CDH4: variants seen among roughly 807,000 people sequenced by gnomAD.
CDH4 encodes the protein cadherin 4, also known as cadherin-4.
A neutral mutation model predicts 86.0 loss-of-function variants in CDH4; 33 were observed. The observed-to-expected ratio is 0.38, with a 90% confidence interval of 0.29 to 0.51. The LOEUF (loss-of-function observed/expected upper bound fraction) is 0.51. Among genes scored for constraint, CDH4 ranks in the 20% least tolerant of loss-of-function variants. The pLI is 0.86. For missense variants in CDH4, 1,114 were observed against 1,307.4 expected (o/e 0.85, Z 2.28); for synonymous variants, 555 against 549.4 (o/e 1.01, Z -0.14).
chr20:61,423,137 C>A (rs1293725775), intron 2 of CDH4, among the ~76,000 whole-genome samples: 1 of 152,072 alleles, frequency 6.6e-6, no homozygotes, highest in African/African-American at 2.4e-5. Flanking sequence ...GGGAGGGATG[C>A]TGGAAGCACA....
chr20:61,711,706 T>G (rs576801346), intron 2 of CDH4, among the ~76,000 whole-genome samples: 7 of 152,280 alleles, frequency 4.6e-5, no homozygotes, highest in African/African-American at 1.4e-4. Flanking sequence ...GATTTGGACA[T>G]CTGGGGAGGG....
At chr20:61,816,542 T>C (rs967883481) in intron 4 of CDH4, among the ~76,000 whole-genome samples, 3 of 152,230 alleles carry the variant, frequency 2.0e-5, no homozygotes, top group African/African-American at 7.2e-5. Context: ...CTCTGCTCCC[T>C]GAGACTTATT....
intron 2 of CDH4, among the ~76,000 whole-genome samples, chr20:61,534,336 C>T (rs535315632): frequency 1.2e-4 from 19 of 152,244 alleles, no homozygotes; most frequent in African/African-American, 4.1e-4. Context: ...AACGACCACA[C>T]GGGGCAGGAG....
At chr20:61,777,696 A>G (rs116664250) in intron 4 of CDH4, among the ~76,000 whole-genome samples, 17,966 of 82,452 alleles carry the variant, frequency 0.22, 1,403 homozygotes, top group East Asian at 0.44. Context: ...ACACACGTGC[A>G]TACAAAAACA....
chr20:61,937,115 G>A lies in CDH4; in HGVS notation c.*172G>A, dbSNP rs921092733. The stretch of plus-strand genomic sequence containing the variant: ...TAGCATGAGCACCCACCCCCACAGC[G>A]CCCTGCACCCGGCCGCTGCCCAGCA... On this transcript the variant is annotated 3_prime_UTR_variant, in exon 16 of 16. Transcript: ENST00000614565. 21 of 466,436 alleles carry A rather than the reference G, an allele frequency of 4.5e-5. No homozygotes were observed. Among genetic ancestry groups the A allele is most frequent in the African/African-American group, 1.2e-4 (6 of 49,192 alleles). The allele number at this position is 466,436 out of a possible 1,614,324, so 28.9% of individuals were successfully genotyped here.
chr20:61,569,347 G>A (rs1376321264), intron 2 of CDH4, among the ~76,000 whole-genome samples: 1 of 152,140 alleles, frequency 6.6e-6, no homozygotes, highest in Non-Finnish European at 1.5e-5. Context: ...TGTAAACTTA[G>A]AGGAGTTGCA....
chr20:61,886,331 G>A (rs1984537646), intron 7 of CDH4, among the ~76,000 whole-genome samples: 1 of 152,250 alleles, frequency 6.6e-6, no homozygotes, highest in Non-Finnish European at 1.5e-5. Context: ...GGGCAGGCTG[G>A]CCGCCTGCAT....
intron 9 of CDH4, among the ~76,000 whole-genome samples, chr20:61,919,922 GCGTGGTGT>G (rs2054949799): frequency 6.6e-6 from 1 of 152,218 alleles, no homozygotes; most frequent in African/African-American, 2.4e-5. Flanking sequence ...TTATGTGGAA[GCGTGGTGT>G]CACGGTGATT....
At chr20:61,626,695 C>T (rs141784558) in intron 2 of CDH4, among the ~76,000 whole-genome samples, 230 of 152,186 alleles carry the variant, frequency 1.5e-3, no homozygotes, top group African/African-American at 5.1e-3. Flanking sequence ...GTCCTGGAGC[C>T]GGAGACAGCT....
At chr20:61,586,498 G>T (rs2086476764) in intron 2 of CDH4, among the ~76,000 whole-genome samples, 1 of 152,312 alleles carries the variant, frequency 6.6e-6, no homozygotes, top group Non-Finnish European at 1.5e-5. Context: ...CTGAGGGGGT[G>T]TTAAGGTATG....
In CDH4 at chr20:61,520,668, G is replaced by A. The variant is rs79213735; in HGVS notation, c.170-222895G>A. On this transcript the variant is annotated intron_variant, in intron 2 of 15. Coordinates refer to ENST00000614565, the MANE Select transcript of CDH4 (RefSeq NM_001794.5). ...ATCCTCTGAGCAGCTCAGTGACGGT[G>A]ATGCGGGTCTTTTCCTTCTTCTGAG... Among the ~76,000 whole-genome samples the A allele has an allele frequency of 4.9e-3, 740 of 152,272 alleles. 6 individuals carry two copies. Among genetic ancestry groups the A allele is most frequent in the East Asian group, 0.027 (139 of 5,182 alleles).
intron 2 of CDH4, among the ~76,000 whole-genome samples, chr20:61,654,029 C>T (rs371620461): frequency 1.1e-3 from 161 of 151,996 alleles, no homozygotes; most frequent in African/African-American, 3.5e-3. Context: ...GGGTGGCGGC[C>T]GGGCAGAGGC....
At chr20:61,820,847 G>A (rs887263243) in intron 4 of CDH4, among the ~76,000 whole-genome samples, 2 of 152,130 alleles carry the variant, frequency 1.3e-5, no homozygotes, top group African/African-American at 4.8e-5. Context: ...CAGGGAGGCT[G>A]TGCCCCCTTC....
At position 61,426,679 on chromosome 20, in the gene CDH4, C is replaced by A. The variant is rs78420223; in HGVS notation, c.169+171742C>A. Among the ~76,000 whole-genome samples, 39 of 152,332 alleles carry A rather than the reference C, an allele frequency of 2.6e-4. 1 individual carries two copies. In the East Asian group the frequency reaches 6.6e-3, roughly 26 times the overall value. On this transcript the variant is annotated intron_variant, in intron 2 of 15. Coordinates refer to ENST00000614565, the MANE Select transcript of CDH4 (RefSeq NM_001794.5). Reference sequence around the variant, plus strand: ...CATTCCCAATTTTTTGAGATTGCAGCATTGCCTTCTTATCAAAGTGACCTG... The same window carrying A: ...CATTCCCAATTTTTTGAGATTGCAGAATTGCCTTCTTATCAAAGTGACCTG...
chr20:61,370,650 C>G (rs2084835103), intron 2 of CDH4: 2 of 152,226 alleles, frequency 1.3e-5, no homozygotes, highest in Admixed American at 1.3e-4. Context: ...CATTTAAATA[C>G]TGATTACATC....
At chr20:61,593,003 G>A (rs547148320) in intron 2 of CDH4, among the ~76,000 whole-genome samples, 4 of 152,234 alleles carry the variant, frequency 2.6e-5, no homozygotes, top group East Asian at 3.9e-4. Flanking sequence ...CCTTATAGGA[G>A]GGGGGCAGGA....
At chr20:61,855,321 A>T (rs1982951039) in intron 6 of CDH4, among the ~76,000 whole-genome samples, 1 of 152,198 alleles carries the variant, frequency 6.6e-6, no homozygotes, top group South Asian at 2.1e-4. Flanking sequence ...ACACGGGTGC[A>T]TCCAGTGTCA....
chr20:61,338,043 G>A lies in CDH4; in HGVS notation c.169+83106G>A, dbSNP rs370072664. Among the ~76,000 whole-genome samples the A allele has an allele frequency of 1.9e-3, 290 of 152,258 alleles. 1 individual carries two copies. The highest frequency in any genetic ancestry group is 6.8e-3 in the African/African-American group (284 of 41,554). On this transcript the variant is annotated intron_variant, in intron 2 of 15. Coordinates refer to ENST00000614565, the MANE Select transcript of CDH4 (RefSeq NM_001794.5). ...TCTTTTGCAATGTTTTAGTCACAAG[G>A]ATGGGTGGTAGGACTTGCAGAGAAT...
intron 2 of CDH4, among the ~76,000 whole-genome samples, chr20:61,592,690 G>C (rs1030092685): frequency 1.3e-5 from 2 of 152,072 alleles, no homozygotes; most frequent in African/African-American, 2.4e-5. Context: ...CTGTGGATTT[G>C]CCTTTTCGGG....
Sources: allele counts gnomAD v4.1 joint callset (sites outside exome capture counted in the v4.1 genomes callset), GRCh38; gene constraint gnomAD v4.1.1; transcripts MANE v1.5; gene names NCBI Gene and HGNC (gene_info 2026-07-23, HGNC 2026-07-21).